CAMTA1: variants seen among roughly 807,000 people sequenced by gnomAD.
CAMTA1 encodes calmodulin binding transcription activator 1, also known as calmodulin-binding transcription activator 1.
A neutral mutation model predicts 170.9 loss-of-function variants in CAMTA1; 27 were observed. The observed-to-expected ratio is 0.16, with a 90% CI of 0.12 to 0.22. CAMTA1 has a LOEUF of 0.22. Ranked by LOEUF, CAMTA1 falls within the 10% of genes least tolerant of loss-of-function variation. The pLI is 1.00. For synonymous variants in CAMTA1, 833 were observed against 891.5 expected (o/e 0.93, Z 1.17); for missense variants, 1,619 against 2,217.2 (o/e 0.73, Z 5.42).
chr1:7,503,736 C>T (rs973516707), intron 6 of CAMTA1, among the ~76,000 whole-genome samples: 2 of 152,180 alleles, frequency 1.3e-5, no homozygotes, highest in African/African-American at 4.8e-5. Flanking sequence ...AGATGTGTGG[C>T]CCTCGGGAGG....
intron 5 of CAMTA1, among the ~76,000 whole-genome samples, chr1:7,414,949 G>A (rs2149279436): frequency 6.6e-6 from 1 of 151,640 alleles, no homozygotes; most frequent in Middle Eastern, 3.4e-3. Context: ...AGAGATTCTG[G>A]TATGTTGTGT....
rs1340266889 is a variant in CAMTA1, at chr1:7,565,927, A to G, written c.511-74473A>G. On this transcript the variant is annotated intron_variant, in intron 6 of 22. Coordinates refer to ENST00000303635, the MANE Select transcript of CAMTA1 (RefSeq NM_015215.4). The surrounding 1 kb of genome is among the most constrained non-coding windows in gnomAD (Gnocchi z 4.5). ...CTCGCTGTGTCCTCACATAGTAGGG[A>G]GAGAGAGAGAGAGAGAGAGAGAATC... 7.4e-6 allele frequency among the ~76,000 whole-genome samples: 1 copy of G among 135,080 alleles called. No homozygotes were observed. The highest frequency in any genetic ancestry group is 2.1e-4 in the South Asian group (1 of 4,716). 88.6% of individuals were successfully genotyped at this position (135,080 alleles called of 152,430 possible).
intron 5 of CAMTA1, among the ~76,000 whole-genome samples, chr1:7,310,647 T>TCTTTCTTTCTTTCTTTCTTTCTTTTC (rs61161982): frequency 2.0e-5 from 1 of 49,148 alleles, no homozygotes; most frequent in African/African-American, 8.0e-5. Context: ...TTTCTTTCTT[T>TCTTTCTTTCTTTCTTTCTTTCTTTTC]TTTCTTTCTT....
chr1:7,415,469 A>T (rs1575190771), intron 5 of CAMTA1, among the ~76,000 whole-genome samples: 1 of 152,170 alleles, frequency 6.6e-6, no homozygotes, highest in East Asian at 1.9e-4. Flanking sequence ...TATATTTAGG[A>T]TAGTTAGCTC....
intron 1 of CAMTA1, among the ~76,000 whole-genome samples, chr1:6,786,920 T>TCAA (rs1001505820): frequency 6.6e-6 from 1 of 152,202 alleles, no homozygotes; most frequent in African/African-American, 2.4e-5. Context: ...TTGACTCTTG[T>TCAA]GTCTCAGGAG....
At chr1:7,122,457 A>C (rs1644700551) in intron 4 of CAMTA1, among the ~76,000 whole-genome samples, 1 of 152,044 alleles carries the variant, frequency 6.6e-6, no homozygotes, top group African/African-American at 2.4e-5. Context: ...GGATATTTGA[A>C]TGGATGGTCC....
At chr1:7,103,559 A>G (rs1380405715) in intron 4 of CAMTA1, among the ~76,000 whole-genome samples, 2 of 29,750 alleles carry the variant, frequency 6.7e-5, no homozygotes, top group Admixed American at 4.1e-4. Flanking sequence ...CACTACACAC[A>G]TACACACAAC....
intron 4 of CAMTA1, among the ~76,000 whole-genome samples, chr1:7,158,533 A>G (rs148585779): frequency 3.2e-4 from 49 of 152,328 alleles, no homozygotes; most frequent in African/African-American, 1.1e-3. Context: ...ACTGCAAACA[A>G]ATATTGAACT....
intron 5 of CAMTA1, among the ~76,000 whole-genome samples, chr1:7,415,935 G>A (rs2091134846): frequency 6.6e-6 from 1 of 152,182 alleles, no homozygotes; most frequent in African/African-American, 2.4e-5. Context: ...TCCTTCAGGA[G>A]CTCTTTTAGG....
At chr1:7,396,783 G>T (rs987633425) in intron 5 of CAMTA1, among the ~76,000 whole-genome samples, 3 of 152,146 alleles carry the variant, frequency 2.0e-5, no homozygotes, top group African/African-American at 7.2e-5. Context: ...TTATGTTAAT[G>T]TGATGTATCA....
intron 5 of CAMTA1, among the ~76,000 whole-genome samples, chr1:7,314,556 AG>A (rs1677206229): frequency 6.6e-6 from 1 of 152,212 alleles, no homozygotes; most frequent in Admixed American, 6.5e-5. Context: ...ATGGAACCTG[AG>A]TGTCTTAAAT....
intron 1 of CAMTA1, among the ~76,000 whole-genome samples, chr1:6,800,678 C>T (rs1643661712): frequency 6.6e-6 from 1 of 152,040 alleles, no homozygotes; most frequent in Admixed American, 6.6e-5. Flanking sequence ...TATCGATTCC[C>T]AGTAATTCAG....
chr1:7,739,682 G>A (rs1341155080), intron 16 of CAMTA1, among the ~76,000 whole-genome samples: 4 of 152,178 alleles, frequency 2.6e-5, no homozygotes, highest in Non-Finnish European at 4.4e-5. Context: ...AAAACCATCA[G>A]ATCTCAAGAG....
chr1:6,914,270 A>G (rs887510850), intron 3 of CAMTA1, among the ~76,000 whole-genome samples: 2 of 151,696 alleles, frequency 1.3e-5, no homozygotes, highest in Non-Finnish European at 2.9e-5. Context: ...AAGCCCTGCT[A>G]ATTTTGTATT....
At chr1:7,661,684 C>A in intron 7 of CAMTA1, 42 bp from the exon 8 acceptor site, 1 of 1,611,772 alleles carries the variant, frequency 6.2e-7, no homozygotes, top group Non-Finnish European at 8.5e-7. Flanking sequence ...GTCCCCTCTG[C>A]ACCCACGGGC....
chr1:6,939,746 C>A (rs1686096498), intron 3 of CAMTA1, among the ~76,000 whole-genome samples: 1 of 152,256 alleles, frequency 6.6e-6, no homozygotes, highest in African/African-American at 2.4e-5. Context: ...CCAAGCAAAC[C>A]CCGGTCACCC....
intron 3 of CAMTA1, among the ~76,000 whole-genome samples, chr1:7,036,126 G>A (rs1319566422): frequency 1.3e-5 from 2 of 152,238 alleles, no homozygotes; most frequent in Non-Finnish European, 2.9e-5. Flanking sequence ...GGCAGGTACA[G>A]AGTAGCTGCA....
At chr1:7,190,781 A>G (rs1225596212) in intron 4 of CAMTA1, among the ~76,000 whole-genome samples, 1 of 152,232 alleles carries the variant, frequency 6.6e-6, no homozygotes, top group African/African-American at 2.4e-5. Flanking sequence ...TCTAATGCGT[A>G]CTGGGAGGCA....
intron 6 of CAMTA1, among the ~76,000 whole-genome samples, chr1:7,598,305 T>C (rs1208654860): frequency 6.6e-6 from 1 of 152,250 alleles, no homozygotes; most frequent in Non-Finnish European, 1.5e-5. Flanking sequence ...ATGGTGTATA[T>C]GTGCCACATT....
Sources: allele counts gnomAD v4.1 joint callset (sites outside exome capture counted in the v4.1 genomes callset), GRCh38; gene constraint gnomAD v4.1.1; non-coding constraint Gnocchi (gnomAD v3.1); transcripts MANE v1.5; gene names NCBI Gene and HGNC (gene_info 2026-07-23, HGNC 2026-07-21).